ELAVL1: variants seen among roughly 807,000 people sequenced by gnomAD.
ELAVL1 encodes the protein ELAV like RNA binding protein 1.
Under a neutral mutation model 28.4 loss-of-function variants are expected in ELAVL1, and 1 was observed. The ratio of observed to expected loss-of-function variants is 0.04; its 90% CI spans 0.01 to 0.17. The LOEUF (loss-of-function observed/expected upper bound fraction) is 0.17. Ranked by LOEUF, ELAVL1 falls within the 10% of genes least tolerant of loss-of-function variation. The pLI, the probability that ELAVL1 is intolerant of heterozygous loss-of-function variation, is 1.00. For missense variants in ELAVL1, 157 were observed against 447.2 expected (o/e 0.35, Z 5.85); for synonymous variants, 174 against 183.5 (o/e 0.95, Z 0.42).
At chr19:7,971,616 C>T (rs1025544017) in intron 4 of ELAVL1, among the ~76,000 whole-genome samples, 10 of 152,250 alleles carry the variant, frequency 6.6e-5, no homozygotes, top group Non-Finnish European at 1.0e-4. Flanking sequence ...TGGCATCCCC[C>T]GACCCTCTCC....
At chr19:7,969,883 G>T (rs924940254) in intron 4 of ELAVL1, among the ~76,000 whole-genome samples, 1 of 151,980 alleles carries the variant, frequency 6.6e-6, no homozygotes, top group African/African-American at 2.4e-5. Flanking sequence ...TTAGCAGAGG[G>T]GGATATCAAT....
In ELAVL1 at chr19:7,982,026, A is replaced by T. The variant is rs1039149871; in HGVS notation, c.173-840T>A. 6.6e-6 allele frequency among the ~76,000 whole-genome samples: 1 copy of T among 152,198 alleles called. No individual in the cohort carries two copies. Among genetic ancestry groups the T allele is most frequent in the Non-Finnish European group, 1.5e-5 (1 of 68,028 alleles). On this transcript the variant is annotated intron_variant, in intron 2 of 5. Coordinates refer to ENST00000407627, the MANE Select transcript of ELAVL1 (RefSeq NM_001419.3). The surrounding 1 kb of genome is among the most constrained non-coding windows in gnomAD (Gnocchi z 4.3). ...GGGGCTGAGAATCCCCAGCCCTGCC[A>T]GACAGTGGGGGAGAACCAGGTTCAC...
At chr19:7,997,579 C>T (rs1055572842) in intron 1 of ELAVL1, among the ~76,000 whole-genome samples, 4 of 152,068 alleles carry the variant, frequency 2.6e-5, no homozygotes, top group Admixed American at 6.6e-5. Context: ...GGTAATCAAA[C>T]AACTTTATCC....
chr19:7,988,124 C>A (rs1329947675), intron 2 of ELAVL1, among the ~76,000 whole-genome samples: 1 of 152,116 alleles, frequency 6.6e-6, no homozygotes, highest in African/African-American at 2.4e-5. Flanking sequence ...TGAAGCAACA[C>A]CCAGGAGGAT....
chr19:8,002,228 C>T (rs2081070579), intron 1 of ELAVL1: 4 of 889,858 alleles, frequency 4.5e-6, no homozygotes, highest in Non-Finnish European at 6.4e-6. Flanking sequence ...AAGCCCCACC[C>T]TATTGTCTTT....
chr19:7,985,331 C>CA (rs1206272055), intron 2 of ELAVL1, among the ~76,000 whole-genome samples: 1 of 152,216 alleles, frequency 6.6e-6, no homozygotes, highest in Non-Finnish European at 1.5e-5. Flanking sequence ...AAACGGGCCC[C>CA]CAAGTTACTG....
At chr19:7,980,619 C>T (rs572104558) in intron 3 of ELAVL1, among the ~76,000 whole-genome samples, 8 of 152,292 alleles carry the variant, frequency 5.3e-5, no homozygotes, top group Admixed American at 3.9e-4. Context: ...CGGCAACTGC[C>T]GGTCACACAT....
chr19:7,969,999 G>C (rs1048628129), intron 4 of ELAVL1, among the ~76,000 whole-genome samples: 9 of 151,642 alleles, frequency 5.9e-5, no homozygotes, highest in African/African-American at 2.2e-4. Flanking sequence ...TTAAGATGGA[G>C]TCTCGCTCTG....
chr19:7,989,477 G>A (rs1568314963), intron 2 of ELAVL1, among the ~76,000 whole-genome samples: 1 of 151,580 alleles, frequency 6.6e-6, no homozygotes, highest in Non-Finnish European at 1.5e-5. Flanking sequence ...GCCAAATCTA[G>A]GTGTTCCTTT....
chr19:7,978,323 C>A (rs1985357923), intron 3 of ELAVL1, among the ~76,000 whole-genome samples: 1 of 152,196 alleles, frequency 6.6e-6, no homozygotes, highest in Admixed American at 6.5e-5. Flanking sequence ...AAAGACCAAG[C>A]ATGTGACTAG....
At chr19:7,972,117 C>T (rs1985130089) in intron 4 of ELAVL1, among the ~76,000 whole-genome samples, 1 of 152,218 alleles carries the variant, frequency 6.6e-6, no homozygotes, top group South Asian at 2.1e-4. Flanking sequence ...TGAAAACCAC[C>T]CATACAACGC....
chr19:7,995,113 C>A (rs769972265), intron 1 of ELAVL1, among the ~76,000 whole-genome samples: 2 of 152,182 alleles, frequency 1.3e-5, no homozygotes, highest in African/African-American at 2.4e-5. Flanking sequence ...AGAAACTCCA[C>A]GTGTCTGTTA....
chr19:8,004,553 G>A (rs1392265159), intron 1 of ELAVL1, among the ~76,000 whole-genome samples: 1 of 152,086 alleles, frequency 6.6e-6, no homozygotes, highest in African/African-American at 2.4e-5. Context: ...TTCCTACATT[G>A]CACAGGGAAG....
chr19:7,980,664 C>T (rs1209628992), intron 3 of ELAVL1, among the ~76,000 whole-genome samples: 2 of 152,184 alleles, frequency 1.3e-5, no homozygotes, highest in East Asian at 1.9e-4. Flanking sequence ...TCTGCACCCC[C>T]GACCCACGGG....
At chr19:7,989,868 G>C (rs1357682550) in intron 2 of ELAVL1, among the ~76,000 whole-genome samples, 1 of 152,208 alleles carries the variant, frequency 6.6e-6, no homozygotes, top group Non-Finnish European at 1.5e-5. Context: ...ATTCCCTGTA[G>C]AGCGGCCAGA....
intron 1 of ELAVL1, among the ~76,000 whole-genome samples, chr19:8,005,256 C>T (rs1364896074): frequency 6.6e-6 from 1 of 151,798 alleles, no homozygotes; most frequent in East Asian, 1.9e-4. Context: ...ACGCCGTATC[C>T]CCCTCGCCCG....
chr19:8,000,827 C>CCGGGGCAGGAG (rs1478931900), intron 1 of ELAVL1, among the ~76,000 whole-genome samples: 1 of 152,224 alleles, frequency 6.6e-6, no homozygotes, highest in African/African-American at 2.4e-5. Flanking sequence ...GCTGAGAAGC[C>CCGGGGCAGGAG]CGGGGCAGGA....
intron 3 of ELAVL1, among the ~76,000 whole-genome samples, chr19:7,980,389 G>C (rs949328644): frequency 3.9e-5 from 6 of 152,210 alleles, no homozygotes; most frequent in African/African-American, 1.4e-4. Flanking sequence ...GGAGCCAGAA[G>C]GCAGACACGT....
chr19:7,987,116 C>T (rs866215254), intron 2 of ELAVL1, among the ~76,000 whole-genome samples: 14 of 47,202 alleles, frequency 3.0e-4, no homozygotes, highest in South Asian at 1.1e-3. Flanking sequence ...CGGGGGGTGC[C>T]GGGGGGGGGG....
Sources: allele counts gnomAD v4.1 joint callset (sites outside exome capture counted in the v4.1 genomes callset), GRCh38; gene constraint gnomAD v4.1.1; non-coding constraint Gnocchi (gnomAD v3.1); transcripts MANE v1.5; gene names NCBI Gene and HGNC (gene_info 2026-07-23, HGNC 2026-07-21).